GABRR1: variants seen among roughly 807,000 people sequenced by gnomAD.
GABRR1 encodes the protein gamma-aminobutyric acid type A receptor subunit rho1, also known as gamma-aminobutyric acid receptor subunit rho-1.
Under a neutral mutation model 55.5 loss-of-function variants are expected in GABRR1, and 59 were observed. The ratio of observed to expected loss-of-function variants is 1.06; its 90% CI spans 0.86 to 1.32. GABRR1 has a LOEUF of 1.32. Ranked by LOEUF, GABRR1 falls within the 40% of genes most tolerant of loss-of-function variation. GABRR1 has a pLI of 0.00. For synonymous variants in GABRR1, 213 were observed against 226.0 expected, an observed-to-expected ratio of 0.94 and a Z score of 0.51; for missense variants, 602 against 619.1, an observed-to-expected ratio of 0.97 and a Z score of 0.29.
At chr6:89,211,305 C>A (rs1772827441) in intron 1 of GABRR1, among the ~76,000 whole-genome samples, 1 of 152,150 alleles carries the variant, frequency 6.6e-6, no homozygotes, top group African/African-American at 2.4e-5. Flanking sequence ...ACTCCTCATG[C>A]CACATTGTTG....
chr6:89,200,582 G>GT (rs1410887583), intron 3 of GABRR1, among the ~76,000 whole-genome samples: 4 of 89,102 alleles, frequency 4.5e-5, no homozygotes, highest in Non-Finnish European at 1.0e-4. Context: ...TTTAAAATGA[G>GT]TATTTTTTTT....
chr6:89,201,023 G>C (rs1444887852), intron 3 of GABRR1, 136 bp downstream of exon 3: 1 of 667,910 alleles, frequency 1.5e-6, no homozygotes, highest in South Asian at 1.8e-5. Flanking sequence ...CTGTGGGCTC[G>C]ATGTCTTGTC....
At chr6:89,185,248 G>A (rs1771865092) in intron 7 of GABRR1, 62 bp downstream of exon 7, 1 of 1,599,836 alleles carries the variant, frequency 6.3e-7, no homozygotes, top group Admixed American at 1.7e-5. Flanking sequence ...CTATAATAGA[G>A]GGTGAACCTT....
At chr6:89,188,752 T>C (rs1205252381) in intron 6 of GABRR1, among the ~76,000 whole-genome samples, 1 of 152,190 alleles carries the variant, frequency 6.6e-6, no homozygotes. Flanking sequence ...ATGCACAAAA[T>C]TGACAATTTT....
chr6:89,182,795 T>C (rs1771770363), intron 7 of GABRR1, among the ~76,000 whole-genome samples: 2 of 152,106 alleles, frequency 1.3e-5, no homozygotes. Flanking sequence ...GAGGATTGCT[T>C]GAGCTCAGGA....
At position 89,198,180 on chromosome 6, in the gene GABRR1, T is replaced by C. The variant is rs1390798528; in HGVS notation, c.412A>G (p.Thr138Ala). 1 of 1,614,040 alleles carries C rather than the reference T, an allele frequency of 6.2e-7. No homozygotes were observed. Among genetic ancestry groups the C allele is most frequent in the Admixed American group, 1.7e-5 (1 of 60,002 alleles). ...TCAAACGTCATGCTGAGGTTGTTGGTGCTTGGAAAAGACAGCCTCTCGTCC... is the reference window on the plus strand; with the variant it reads ...TCAAACGTCATGCTGAGGTTGTTGGCGCTTGGAAAAGACAGCCTCTCGTCC... The part of the protein sequence containing the change: ...WKDERLSFPS[T>A]NNLSMTFDGR... The change falls in exon 5 of 10, where the codon ACC (threonine) becomes GCC (alanine). Residue 138 changes from threonine to alanine, a missense_variant. Thr to Ala is a moderately conservative substitution (Grantham distance 58). Transcript: ENST00000454853.
At chr6:89,198,953 A>T (rs1319809678) in intron 4 of GABRR1, among the ~76,000 whole-genome samples, 1 of 151,786 alleles carries the variant, frequency 6.6e-6, no homozygotes, top group Non-Finnish European at 1.5e-5. Context: ...TGCACTTTTT[A>T]TCTGAACCGA....
intron 1 of GABRR1, among the ~76,000 whole-genome samples, chr6:89,226,231 T>C (rs1227053549): frequency 1.3e-5 from 2 of 148,392 alleles, no homozygotes; most frequent in Admixed American, 1.3e-4. Flanking sequence ...TTCACTCTGA[T>C]GGTAGTTTCT....
chr6:89,191,449 T>C (rs903976823), intron 5 of GABRR1, among the ~76,000 whole-genome samples: 4 of 152,162 alleles, frequency 2.6e-5, no homozygotes, highest in Non-Finnish European at 5.9e-5. Context: ...TTTAGAGACA[T>C]AGAATGCCCA....
chr6:89,181,276 G>C (rs764649040), intron 8 of GABRR1, among the ~76,000 whole-genome samples: 72 of 152,114 alleles, frequency 4.7e-4, no homozygotes, highest in Non-Finnish European at 5.0e-4. Context: ...ACTAAAACCT[G>C]GTGGGTCGCA....
rs61340453 is a variant in GABRR1, at chr6:89,200,240, CCTTTT to C, written c.281-816_281-812del. Among the ~76,000 whole-genome samples, 601 of 127,892 alleles carry C rather than the reference CCTTTT, an allele frequency of 4.7e-3. 7 individuals carry two copies. The highest frequency in any genetic ancestry group is 0.017 in the African/African-American group (580 of 34,924). 83.9% of individuals were successfully genotyped at this position (127,892 alleles called of 152,430 possible). On this transcript the variant is annotated intron_variant, in intron 3 of 9. Coordinates refer to ENST00000454853, the MANE Select transcript of GABRR1 (RefSeq NM_002042.5). ...ATGGCAAGATAATTATTTCTTTTTC[CCTTTT>C]TTTTTTTTTTTTTTTTTTTTGGAGA...
Position 89,203,490 on chromosome 6 carries a change from C to T in GABRR1, c.123-5G>A, listed in dbSNP as rs4590242. 1,075,416 of 1,600,630 alleles carry T rather than the reference C, an allele frequency of 0.67. 364,486 individuals are homozygous for T. The highest frequency in any genetic ancestry group is 0.91 in the East Asian group (40,646 of 44,778). On this transcript the variant is annotated splice_region_variant and splice_polypyrimidine_tract_variant and intron_variant, in intron 1 of 9. Transcript: ENST00000454853. ...TCTCGTCTTTGTCTTTGGGGCCTACCATGAACATTAAAAATAAAGACATTG... is the reference window on the plus strand; with the variant it reads ...TCTCGTCTTTGTCTTTGGGGCCTACTATGAACATTAAAAATAAAGACATTG...
rs996917316 is a variant in GABRR1, at chr6:89,180,182, G to A, written c.1146+110C>T. 4.3e-6 allele frequency: 5 copies of A among 1,173,852 alleles called. No individual in the cohort carries two copies. In the South Asian group the frequency reaches 5.0e-5, roughly 12 times the overall value. 72.7% of individuals were successfully genotyped at this position (1,173,852 alleles called of 1,614,324 possible). On this transcript the variant is annotated intron_variant, in intron 9 of 9. Transcript: ENST00000454853. ...ACAACAACCCTGTGAAGTAGGCACAGGAGAGGGTATCATGACCTTGCTTTA... is the reference window on the plus strand; with the variant it reads ...ACAACAACCCTGTGAAGTAGGCACAAGAGAGGGTATCATGACCTTGCTTTA...
chr6:89,207,652 A>T (rs575715048), intron 1 of GABRR1, among the ~76,000 whole-genome samples: 1 of 152,314 alleles, frequency 6.6e-6, no homozygotes, highest in Non-Finnish European at 1.5e-5. Context: ...GTAGCACACA[A>T]CCATCTAATG....
chr6:89,201,153 C>T lies in GABRR1; in HGVS notation c.280+6G>A, dbSNP rs997591274. 17 of 1,606,876 alleles carry T rather than the reference C, an allele frequency of 1.1e-5. No individual in the cohort carries two copies. Among genetic ancestry groups the T allele is most frequent in the Non-Finnish European group, 1.4e-5 (17 of 1,173,386 alleles). ...AGAGGACACCCTGAGAGCACACATC[C>T]CATACCTCCAAAGCCAGGCCTCATG... On this transcript the variant is annotated splice_donor_region_variant and intron_variant, in intron 3 of 9. Coordinates refer to ENST00000454853, the MANE Select transcript of GABRR1 (RefSeq NM_002042.5).
At chr6:89,213,628 A>G (rs1282483272) in intron 1 of GABRR1, among the ~76,000 whole-genome samples, 2 of 152,264 alleles carry the variant, frequency 1.3e-5, no homozygotes, top group Non-Finnish European at 2.9e-5. Context: ...ATGGTGGCAC[A>G]CTGTGCATTA....
At chr6:89,196,987 C>T (rs573554116) in intron 5 of GABRR1, among the ~76,000 whole-genome samples, 2 of 152,174 alleles carry the variant, frequency 1.3e-5, no homozygotes, top group Admixed American at 6.5e-5. Flanking sequence ...ATCCTGGACC[C>T]GCCTGAGTAC....
intron 5 of GABRR1, among the ~76,000 whole-genome samples, chr6:89,195,790 A>C (rs756571226): frequency 5.9e-5 from 9 of 152,252 alleles, no homozygotes; most frequent in Admixed American, 1.3e-4. Flanking sequence ...GAAACACTGC[A>C]TAATGGTGTG....
At chr6:89,229,145 C>T (rs1368240014) in intron 1 of GABRR1, among the ~76,000 whole-genome samples, 3 of 152,132 alleles carry the variant, frequency 2.0e-5, no homozygotes, top group Admixed American at 1.3e-4. Context: ...TTGTTTTGAG[C>T]CTATGTGTGT....
Sources: allele counts gnomAD v4.1 joint callset (sites outside exome capture counted in the v4.1 genomes callset), GRCh38; gene constraint gnomAD v4.1.1; transcripts MANE v1.5; gene names NCBI Gene and HGNC (gene_info 2026-07-23, HGNC 2026-07-21).